Variants in LOXL2 observed in about 807,000 individuals in gnomAD.
LOXL2 encodes lysyl oxidase like 2, also known as lysyl oxidase homolog 2.
In LOXL2, 70 loss-of-function variants were observed where a neutral mutation model predicts 93.0. The ratio of observed to expected loss-of-function variants is 0.75; its 90% CI spans 0.62 to 0.92. The LOEUF is 0.92. LOXL2 is among the 40% of genes least tolerant of loss of function. The probability of loss-of-function intolerance (pLI) is 0.00; values close to 1 mark genes in which losing one functional copy is unlikely to be tolerated. For synonymous variants in LOXL2, 438 were observed against 413.2 expected, an observed-to-expected ratio of 1.06 and a Z score of -0.73; for missense variants, 973 against 1,054.9, an observed-to-expected ratio of 0.92 and a Z score of 1.08.
At chr8:23,359,706 A>T (rs1804257672) in intron 3 of LOXL2, among the ~76,000 whole-genome samples, 1 of 152,232 alleles carries the variant, frequency 6.6e-6, no homozygotes, top group South Asian at 2.1e-4. Context: ...GTTACGCAGC[A>T]ATTGATAACT....
rs7813349 is a variant in LOXL2, at chr8:23,297,087, C to T, written c.*956G>A. ...GACCCATGTCCACCGGAGAAAACCA[C>T]GAATGTACCTGAAGCTCTGCTTCTG... On this transcript the variant is annotated 3_prime_UTR_variant, in exon 14 of 14. Transcript: ENST00000389131. The T allele has an allele frequency of 0.53, 80,498 of 152,024 alleles. 21,746 individuals carry two copies. The highest frequency in any genetic ancestry group is 0.81 in the East Asian group (4,172 of 5,170). 9.4% of individuals were successfully genotyped at this position (152,024 alleles called of 1,614,324 possible).
intron 4 of LOXL2, among the ~76,000 whole-genome samples, chr8:23,338,958 C>T (rs937070744): frequency 1.3e-5 from 2 of 152,330 alleles, no homozygotes; most frequent in East Asian, 3.9e-4. Flanking sequence ...GGCTGTGACA[C>T]CCTGAGTCCA....
At chr8:23,318,573 T>TA (rs1282379198) in intron 8 of LOXL2, among the ~76,000 whole-genome samples, 1 of 152,164 alleles carries the variant, frequency 6.6e-6, no homozygotes, top group African/African-American at 2.4e-5. Context: ...ATGGGGCTTG[T>TA]AATCAGTGGC....
intron 1 of LOXL2, among the ~76,000 whole-genome samples, chr8:23,391,226 C>T (rs945284817): frequency 6.6e-6 from 1 of 150,900 alleles, no homozygotes; most frequent in African/African-American, 2.4e-5. Context: ...TTACCCGATC[C>T]CTACAACCTT....
chr8:23,309,749 G>T lies in LOXL2; in HGVS notation c.1799C>A (p.Ser600Tyr), dbSNP rs1211522524. The change falls in exon 10 of 14, where the codon TCC (serine) becomes TAC (tyrosine). Residue 600 changes from serine (S) to tyrosine (Y), a missense_variant. By Grantham distance (144) the Ser-to-Tyr change is moderately radical (BLOSUM62 -2). Coordinates refer to ENST00000389131, the MANE Select transcript of LOXL2 (RefSeq NM_002318.3). ...CTGGCCATTGTTGTGGATCTGGGAG[G>T]AGAAGCGCAGGAGCCGGCGGTAGCC... ...TTGYRRLLRFSSQIHNNGQSD... is the reference protein window; with the variant it reads ...TTGYRRLLRFYSQIHNNGQSD... 2 of 1,601,506 alleles carry T rather than the reference G, an allele frequency of 1.2e-6. No individual in the cohort carries two copies. Among genetic ancestry groups the T allele is most frequent in the African/African-American group, 2.7e-5 (2 of 74,444 alleles).
chr8:23,301,936 G>T, intron 12 of LOXL2, 91 bp downstream of exon 12: 1 of 1,500,378 alleles, frequency 6.7e-7, no homozygotes, highest in East Asian at 2.3e-5. Context: ...TGACTTCCAT[G>T]CCCCTGTGTG....
chr8:23,357,017 A>G (rs1044558769), intron 3 of LOXL2, among the ~76,000 whole-genome samples: 3 of 152,164 alleles, frequency 2.0e-5, no homozygotes, highest in South Asian at 2.1e-4. Flanking sequence ...CCCATCATGG[A>G]ATCTCAGCCC....
At chr8:23,381,426 T>C (rs1804679216) in intron 1 of LOXL2, among the ~76,000 whole-genome samples, 1 of 152,212 alleles carries the variant, frequency 6.6e-6, no homozygotes, top group Admixed American at 6.5e-5. Context: ...ACTGTGCCAA[T>C]TGAAACCTCC....
chr8:23,346,472 A>G (rs1454089963), intron 3 of LOXL2, among the ~76,000 whole-genome samples: 1 of 152,216 alleles, frequency 6.6e-6, no homozygotes, highest in Non-Finnish European at 1.5e-5. Flanking sequence ...AGGCACGACC[A>G]TGCAAGGGAC....
intron 6 of LOXL2, among the ~76,000 whole-genome samples, chr8:23,324,426 G>A (rs1803546454): frequency 6.6e-6 from 1 of 152,198 alleles, no homozygotes; most frequent in Non-Finnish European, 1.5e-5. Context: ...CTCTCTTCCT[G>A]CCCCACTGAG....
chr8:23,385,737 A>T lies in LOXL2; in HGVS notation c.-83-17303T>A, dbSNP rs557029976. The T allele has an allele frequency of 8.7e-6, 5 of 572,948 alleles. No individual in the cohort carries two copies. The South Asian group carries it at 1.1e-4, about 12-fold the overall frequency. The allele number at this position is 572,948 out of a possible 1,614,324, so 35.5% of individuals were successfully genotyped here. ...AATGAGAGCCACATATGAAATTTTA[A>T]ATTCCCTCGTAGCCACTTTCCAAAA... On this transcript the variant is annotated intron_variant, in intron 1 of 13. Transcript: ENST00000389131.
chr8:23,298,195 G>A, intron 13 of LOXL2, 73 bp from the exon 14 acceptor site: 2 of 1,204,294 alleles, frequency 1.7e-6, no homozygotes, highest in Non-Finnish European at 2.4e-6. Flanking sequence ...TGAGCCAGGG[G>A]AGTGGGCCTC....
At chr8:23,379,243 G>A (rs553131084) in intron 1 of LOXL2, among the ~76,000 whole-genome samples, 1 of 126,994 alleles carries the variant, frequency 7.9e-6, no homozygotes, top group East Asian at 1.9e-4. Flanking sequence ...AGAGGCTGCA[G>A]AACAGCGAAT....
intron 6 of LOXL2, among the ~76,000 whole-genome samples, chr8:23,323,668 T>C (rs1803532742): frequency 7.0e-6 from 1 of 143,614 alleles, no homozygotes; most frequent in Non-Finnish European, 1.5e-5. Context: ...GGCCAATTAA[T>C]TATAATATGT....
intron 4 of LOXL2, among the ~76,000 whole-genome samples, chr8:23,340,120 A>C (rs1296586275): frequency 6.6e-6 from 1 of 152,202 alleles, no homozygotes; most frequent in African/African-American, 2.4e-5. Flanking sequence ...TCCAGAGGCC[A>C]GGGTGTGCGT....
Position 23,309,882 on chromosome 8 carries a change from T to A in LOXL2, c.1666A>T (p.Met556Leu), listed in dbSNP as rs1803295446. 5 of 1,549,300 alleles carry A rather than the reference T, an allele frequency of 3.2e-6. No homozygotes were observed. Among genetic ancestry groups the A allele is most frequent in the Admixed American group, 1.9e-5 (1 of 53,314 alleles). The change falls in exon 10 of 14, where the codon ATG (methionine) becomes TTG (leucine). Residue 556 changes from methionine to leucine, a missense_variant. Coordinates refer to ENST00000389131, the MANE Select transcript of LOXL2 (RefSeq NM_002318.3). Reference sequence around the variant, plus strand: ...TCCAGGTAGGTGGTCTGCTGCACCATCTCCGCATTGAGGACCAGGTCAGGG... The same window carrying A: ...TCCAGGTAGGTGGTCTGCTGCACCAACTCCGCATTGAGGACCAGGTCAGGG... ...TAPDLVLNAEMVQQTTYLEDR... is the reference protein window; with the variant it reads ...TAPDLVLNAELVQQTTYLEDR...
chr8:23,346,000 G>A (rs761534714), intron 3 of LOXL2, among the ~76,000 whole-genome samples: 7 of 151,674 alleles, frequency 4.6e-5, no homozygotes, highest in Non-Finnish European at 5.9e-5. Context: ...CCTGGGAGGC[G>A]GAGGTTGCAG....
chr8:23,317,235 A>T (rs13250587), intron 8 of LOXL2, 121 bp from the exon 9 acceptor site: 1 of 1,120,270 alleles, frequency 8.9e-7, no homozygotes, highest in Non-Finnish European at 1.3e-6. Context: ...TTCAGATCGA[A>T]ACAGCACGGA....
rs1375239319 is a variant in LOXL2, at chr8:23,346,155, A to T, written c.532-4952T>A. Among the ~76,000 whole-genome samples, 56 of 118,116 alleles carry T rather than the reference A, an allele frequency of 4.7e-4. 1 individual carries two copies. The highest frequency in any genetic ancestry group is 4.5e-3 in the Middle Eastern group (1 of 222). 77.5% of individuals were successfully genotyped at this position (118,116 alleles called of 152,430 possible). On this transcript the variant is annotated intron_variant, in intron 3 of 13. Coordinates refer to ENST00000389131, the MANE Select transcript of LOXL2 (RefSeq NM_002318.3). The stretch of plus-strand genomic sequence containing the variant: ...AATAAAATAAAATAAATAAAATAAA[A>T]TAAAAAATAAAATAAAATAAATAAA...
Sources: gnomAD v4.1 joint callset for allele counts (sites outside exome capture counted in the v4.1 genomes callset) on GRCh38, gnomAD v4.1.1 for gene constraint, MANE v1.5 for transcripts, NCBI Gene and HGNC (gene_info 2026-07-23, HGNC 2026-07-21) for gene names.